Variants in TRAK1 observed in about 807,000 individuals in gnomAD.
TRAK1 encodes trafficking kinesin-binding protein 1.
In TRAK1, 33 loss-of-function variants were observed where a neutral mutation model predicts 92.1. That is an observed-to-expected ratio of 0.36 (90% CI 0.27 to 0.48). The LOEUF is 0.48. Ranked by LOEUF, TRAK1 falls within the 20% of genes least tolerant of loss-of-function variation. The pLI is 0.99. For missense variants in TRAK1, 1,123 were observed against 1,257.9 expected, an observed-to-expected ratio of 0.89 and a Z score of 1.62; for synonymous variants, 521 against 517.3, an observed-to-expected ratio of 1.01 and a Z score of -0.10.
chr3:42,013,265 A>T (rs1341188950), upstream of TRAK1, among the ~76,000 whole-genome samples: 3 of 152,138 alleles, frequency 2.0e-5, no homozygotes, highest in African/African-American at 7.2e-5. The surrounding 1 kb of genome is among the most constrained non-coding windows in gnomAD (Gnocchi z 5.1). Context: ...GCAGGAACAG[A>T]ACGCCTGGAC....
intron 14 of TRAK1, chr3:42,217,529 T>C (rs1047528096): frequency 7.1e-6 from 7 of 985,308 alleles, no homozygotes; most frequent in Non-Finnish European, 6.0e-6. Flanking sequence ...CCTATTGCAA[T>C]TGAAGATCCA....
At chr3:42,195,226 G>A (rs1322231105) in intron 10 of TRAK1, among the ~76,000 whole-genome samples, 3 of 152,210 alleles carry the variant, frequency 2.0e-5, no homozygotes, top group African/African-American at 7.2e-5. Flanking sequence ...GAGGTATTTG[G>A]AAGATCTGAC....
At chr3:42,148,394 TA>T (rs1699581439) in intron 2 of TRAK1, among the ~76,000 whole-genome samples, 1 of 152,236 alleles carries the variant, frequency 6.6e-6, no homozygotes, top group Non-Finnish European at 1.5e-5. Flanking sequence ...TAGGATAGCC[TA>T]GAATCTGTCT....
At chr3:42,178,106 A>G (rs1297012120) in intron 3 of TRAK1, among the ~76,000 whole-genome samples, 1 of 152,008 alleles carries the variant, frequency 6.6e-6, no homozygotes, top group African/African-American at 2.4e-5. Context: ...GATCTTACAA[A>G]GTGCTTCCGG....
intron 1 of TRAK1, among the ~76,000 whole-genome samples, chr3:42,110,800 C>T (rs1057425269): frequency 1.3e-5 from 2 of 152,276 alleles, no homozygotes; most frequent in South Asian, 4.1e-4. Context: ...AGGTCCTGGC[C>T]GCTCTGCTCA....
intron 1 of TRAK1, among the ~76,000 whole-genome samples, chr3:42,061,313 C>A (rs1576212166): frequency 2.3e-5 from 3 of 131,028 alleles, no homozygotes. Context: ...GCACACCTCC[C>A]CCACGCACAC....
chr3:42,186,985 A>G (rs1704979900), intron 4 of TRAK1, among the ~76,000 whole-genome samples: 1 of 152,232 alleles, frequency 6.6e-6, no homozygotes, highest in African/African-American at 2.4e-5. Flanking sequence ...TTCTTATAGC[A>G]CTGGTTCCCT....
chr3:42,022,975 G>A (rs1170800540), intron 1 of TRAK1, among the ~76,000 whole-genome samples: 2 of 151,564 alleles, frequency 1.3e-5, no homozygotes, highest in South Asian at 2.1e-4. Context: ...TGGCTAACAC[G>A]GTGAAACCCT....
upstream of TRAK1, among the ~76,000 whole-genome samples, chr3:42,082,990 T>C (rs1704507286): frequency 6.6e-6 from 1 of 152,258 alleles, no homozygotes; most frequent in Non-Finnish European, 1.5e-5. Context: ...CGATCCTCTG[T>C]TGTGGCTTGT....
chr3:42,130,353 A>G (rs148286782), intron 2 of TRAK1, among the ~76,000 whole-genome samples: 232 of 151,176 alleles, frequency 1.5e-3, no homozygotes, highest in African/African-American at 5.4e-3. Context: ...CCTGCATATG[A>G]TCTGCAGACC....
At chr3:42,205,872 G>A (rs370726102) in intron 13 of TRAK1, among the ~76,000 whole-genome samples, 45 of 152,342 alleles carry the variant, frequency 3.0e-4, no homozygotes, top group East Asian at 5.8e-4. Context: ...CCCACTGTCC[G>A]TGCCCTTTTC....
intron 1 of TRAK1, among the ~76,000 whole-genome samples, chr3:42,075,378 T>G (rs1435836167): frequency 2.6e-5 from 4 of 151,052 alleles, no homozygotes; most frequent in African/African-American, 9.7e-5. Context: ...AATGAGGTAT[T>G]ACTATGTTGC....
intron 1 of TRAK1, among the ~76,000 whole-genome samples, chr3:42,043,397 CTT>C (rs1189776776): frequency 6.6e-6 from 1 of 151,928 alleles, no homozygotes; most frequent in East Asian, 1.9e-4. Context: ...CTCCTTGTCT[CTT>C]TGCCTTTTCT....
chr3:42,158,643 T>C (rs951111397), intron 2 of TRAK1, among the ~76,000 whole-genome samples: 2 of 151,312 alleles, frequency 1.3e-5, no homozygotes, highest in African/African-American at 4.9e-5. Flanking sequence ...ATTTTCAAGT[T>C]CTAAAAAATT....
chr3:42,133,427 C>G (rs1017724988), intron 2 of TRAK1, among the ~76,000 whole-genome samples: 1 of 152,112 alleles, frequency 6.6e-6, no homozygotes, highest in Non-Finnish European at 1.5e-5. Context: ...GATATGTTGC[C>G]TAGGCTGGCC....
intron 13 of TRAK1, among the ~76,000 whole-genome samples, chr3:42,209,204 A>G (rs1708674912): frequency 6.6e-6 from 1 of 152,166 alleles, no homozygotes; most frequent in African/African-American, 2.4e-5. Context: ...AACCTAAGTA[A>G]AGGAGGTGAT....
At chr3:42,140,133 C>T (rs913477349) in intron 2 of TRAK1, among the ~76,000 whole-genome samples, 26 of 152,134 alleles carry the variant, frequency 1.7e-4, no homozygotes, top group Non-Finnish European at 4.4e-5. Context: ...CCTCAGTGCT[C>T]TGCCAAATGC....
intron 2 of TRAK1, among the ~76,000 whole-genome samples, chr3:42,141,902 GAGGCA>G (rs1698709837): frequency 6.6e-6 from 1 of 152,060 alleles, no homozygotes; most frequent in Admixed American, 6.6e-5. Context: ...TTGGGAGGCC[GAGGCA>G]AGCAGATCAC....
intron 1 of TRAK1, among the ~76,000 whole-genome samples, chr3:42,100,735 C>G (rs1243145523): frequency 6.6e-6 from 1 of 152,220 alleles, no homozygotes; most frequent in Non-Finnish European, 1.5e-5. Context: ...GGCACAGTCT[C>G]GGTTCACTGC....
Sources: gnomAD v4.1 joint callset for allele counts (sites outside exome capture counted in the v4.1 genomes callset) on GRCh38, gnomAD v4.1.1 for gene constraint, Gnocchi (gnomAD v3.1) non-coding constraint, MANE v1.5 for transcripts, NCBI Gene and HGNC (gene_info 2026-07-23, HGNC 2026-07-21) for gene names.